CNTNAP5: variants seen among roughly 807,000 people sequenced by gnomAD.
CNTNAP5 encodes the protein contactin-associated protein-like 5.
CNTNAP5 carries 72 observed loss-of-function variants against 150.2 expected under a neutral mutation model. That is an observed-to-expected ratio of 0.48 (90% confidence interval 0.40 to 0.58). The LOEUF is 0.58. CNTNAP5 is among the 20% of genes least tolerant of loss of function. The pLI, the probability that CNTNAP5 is intolerant of heterozygous loss-of-function variation, is 0.00. For synonymous variants in CNTNAP5, 672 were observed against 619.8 expected (o/e 1.08, Z -1.25); for missense variants, 1,636 against 1,626.2 (o/e 1.01, Z -0.10).
At chr2:124,422,245 G>A (rs376983316) in intron 4 of CNTNAP5, among the ~76,000 whole-genome samples, 10 of 152,252 alleles carry the variant, frequency 6.6e-5, no homozygotes, top group African/African-American at 2.4e-4. Context: ...GTTTAGTTGA[G>A]TATGTTGCTA....
intron 1 of CNTNAP5, among the ~76,000 whole-genome samples, chr2:124,101,705 T>G (rs2104697119): frequency 6.6e-6 from 1 of 152,336 alleles, no homozygotes; most frequent in South Asian, 2.1e-4. Context: ...TTCACTCACT[T>G]CAGCCCCAAT....
chr2:124,388,129 C>T (rs1302491891), intron 3 of CNTNAP5, among the ~76,000 whole-genome samples: 8 of 152,162 alleles, frequency 5.3e-5, no homozygotes, highest in Admixed American at 5.2e-4. Context: ...GTCATTGATA[C>T]GTTAACTCCC....
intron 3 of CNTNAP5, among the ~76,000 whole-genome samples, chr2:124,275,004 G>A (rs979672303): frequency 1.3e-5 from 2 of 152,180 alleles, no homozygotes; most frequent in Non-Finnish European, 2.9e-5. Flanking sequence ...CACAATCATG[G>A]TGGAAGGCAA....
intron 1 of CNTNAP5, among the ~76,000 whole-genome samples, chr2:124,029,803 G>A (rs1215563968): frequency 6.6e-6 from 1 of 151,990 alleles, no homozygotes; most frequent in Non-Finnish European, 1.5e-5. Flanking sequence ...CCTTCAGTTG[G>A]TGATTCAGAG....
chr2:124,756,361 T>A (rs1032923367), intron 14 of CNTNAP5, among the ~76,000 whole-genome samples: 1 of 152,134 alleles, frequency 6.6e-6, no homozygotes, highest in Non-Finnish European at 1.5e-5. Flanking sequence ...GTGTGGCGAT[T>A]CCTCAAAGAC....
intron 13 of CNTNAP5, among the ~76,000 whole-genome samples, chr2:124,735,162 G>T (rs928485941): frequency 6.6e-6 from 1 of 151,942 alleles, no homozygotes; most frequent in Non-Finnish European, 1.5e-5. Context: ...ATTTTTAGTT[G>T]AATCAATGAC....
chr2:124,783,828 T>G (rs1681504614), intron 17 of CNTNAP5, among the ~76,000 whole-genome samples: 1 of 152,186 alleles, frequency 6.6e-6, no homozygotes, highest in South Asian at 2.1e-4. Context: ...ATAGTGTATG[T>G]TTAGTGATTC....
intron 13 of CNTNAP5, among the ~76,000 whole-genome samples, chr2:124,705,794 A>C (rs527278830): frequency 3.9e-5 from 6 of 152,274 alleles, no homozygotes; most frequent in East Asian, 1.9e-4. Flanking sequence ...ATCTGAATAA[A>C]GTTTTAAGAT....
intron 3 of CNTNAP5, among the ~76,000 whole-genome samples, chr2:124,401,320 T>C (rs983419316): frequency 6.6e-6 from 1 of 152,204 alleles, no homozygotes; most frequent in African/African-American, 2.4e-5. Flanking sequence ...TCAAGAACAA[T>C]TTCTCTTCTG....
At chr2:124,338,807 A>G (rs1054866352) in intron 3 of CNTNAP5, among the ~76,000 whole-genome samples, 4 of 152,126 alleles carry the variant, frequency 2.6e-5, no homozygotes, top group Non-Finnish European at 4.4e-5. Flanking sequence ...AAAGTGCTCC[A>G]AATACCAAAG....
chr2:124,107,460 C>G (rs1184156625), intron 1 of CNTNAP5, among the ~76,000 whole-genome samples: 2 of 152,198 alleles, frequency 1.3e-5, no homozygotes, highest in Non-Finnish European at 2.9e-5. Context: ...ATATTCCAAA[C>G]TTTCTGAATC....
intron 3 of CNTNAP5, among the ~76,000 whole-genome samples, chr2:124,285,212 C>T (rs1308902258): frequency 6.6e-6 from 1 of 152,144 alleles, no homozygotes. Context: ...TTTGTAATGC[C>T]TGAGTCAGTG....
chr2:124,406,972 C>T (rs977185998), intron 3 of CNTNAP5, among the ~76,000 whole-genome samples: 2 of 152,146 alleles, frequency 1.3e-5, no homozygotes, highest in Non-Finnish European at 2.9e-5. Flanking sequence ...CTGTAGCTGG[C>T]TTATTTTACT....
At chr2:124,748,884 C>T (rs1333476915) in intron 14 of CNTNAP5, among the ~76,000 whole-genome samples, 1 of 152,128 alleles carries the variant, frequency 6.6e-6, no homozygotes, top group Non-Finnish European at 1.5e-5. Flanking sequence ...ATATAGTTAA[C>T]CACAGGTAGA....
At chr2:124,851,272 C>T (rs1011732005) in intron 19 of CNTNAP5, among the ~76,000 whole-genome samples, 6 of 152,166 alleles carry the variant, frequency 3.9e-5, no homozygotes, top group African/African-American at 1.2e-4. Flanking sequence ...AGGAGAATAG[C>T]TTGAACCCTG....
intron 10 of CNTNAP5, among the ~76,000 whole-genome samples, chr2:124,537,148 A>C (rs1695254784): frequency 6.6e-6 from 1 of 152,100 alleles, no homozygotes; most frequent in Non-Finnish European, 1.5e-5. Flanking sequence ...GGAGGCACAG[A>C]GGTACTAAGT....
At position 124,038,628 on chromosome 2, in the gene CNTNAP5, T is replaced by TA. The variant is rs768650433; in HGVS notation, c.82+12897dup. ...TGTTTTAAAAGCAGAACTTTTGGTT[T>TA]ACTAAATGAAATCTTACATATGATT... On this transcript the variant is annotated intron_variant, in intron 1 of 23. Coordinates refer to ENST00000682447, the MANE Select transcript of CNTNAP5 (RefSeq NM_001367498.1). Among the ~76,000 whole-genome samples, 5 of 152,346 alleles carry TA rather than the reference T, an allele frequency of 3.3e-5. No homozygotes were observed. The South Asian group carries it at 6.2e-4, about 19-fold the overall frequency.
chr2:124,090,318 C>A (rs1682785262), intron 1 of CNTNAP5, among the ~76,000 whole-genome samples: 1 of 152,070 alleles, frequency 6.6e-6, no homozygotes, highest in Non-Finnish European at 1.5e-5. Flanking sequence ...GAGGATATTG[C>A]TTTTCTTTAA....
chr2:124,070,332 A>G (rs1416722931), intron 1 of CNTNAP5, among the ~76,000 whole-genome samples: 2 of 151,202 alleles, frequency 1.3e-5, no homozygotes, highest in African/African-American at 4.8e-5. Flanking sequence ...TCACTTATCA[A>G]TAATAACATT....
Sources: allele counts gnomAD v4.1 joint callset (sites outside exome capture counted in the v4.1 genomes callset), GRCh38; gene constraint gnomAD v4.1.1; transcripts MANE v1.5; gene names NCBI Gene and HGNC (gene_info 2026-07-23, HGNC 2026-07-21).